Variants in RUFY1 observed in about 807,000 individuals in gnomAD.
The protein encoded by RUFY1 is RUN and FYVE domain containing 1, also known as RUN and FYVE domain-containing protein 1.
RUFY1 carries 54 observed loss-of-function variants against 94.6 expected under a neutral mutation model. That is an observed-to-expected ratio of 0.57 (90% CI 0.46 to 0.72). The LOEUF (loss-of-function observed/expected upper bound fraction) is 0.72. RUFY1 is among the 30% of genes least tolerant of loss of function. The pLI is 0.00. For synonymous variants in RUFY1, 396 were observed against 347.3 expected (o/e 1.14, Z -1.56); for missense variants, 883 against 883.9 (o/e 1.00, Z 0.01).
At chr5:179,604,279 G>A (rs1165732157) in intron 15 of RUFY1, among the ~76,000 whole-genome samples, 6 of 152,062 alleles carry the variant, frequency 3.9e-5, no homozygotes, top group African/African-American at 7.2e-5. Flanking sequence ...AGCCTATACC[G>A]GATGACAGAG....
chr5:179,564,423 T>G (rs1032264381), intron 3 of RUFY1, among the ~76,000 whole-genome samples: 56 of 146,812 alleles, frequency 3.8e-4, no homozygotes, highest in Non-Finnish European at 3.2e-4. Flanking sequence ...CCTGGCTGTT[T>G]TTTTTTTTTT....
chr5:179,554,645 G>A (rs115521544), intron 1 of RUFY1, among the ~76,000 whole-genome samples: 3,785 of 151,554 alleles, frequency 0.025, 162 homozygotes, highest in African/African-American at 0.087. Context: ...GGTAATAAGC[G>A]AACATGATTT....
chr5:179,585,103 A>ACTAGGC (rs1489502922), intron 7 of RUFY1, among the ~76,000 whole-genome samples: 1 of 152,092 alleles, frequency 6.6e-6, no homozygotes, highest in East Asian at 1.9e-4. Context: ...TGCACTCCAG[A>ACTAGGC]CTAGGCGAAA....
intron 1 of RUFY1, among the ~76,000 whole-genome samples, chr5:179,553,543 G>A (rs888879477): frequency 1.3e-5 from 2 of 152,076 alleles, no homozygotes; most frequent in African/African-American, 4.8e-5. Context: ...CAGCATTTTG[G>A]GAGGCCGAGG....
At chr5:179,579,657 CTTTTTTTT>C (rs61062422) in intron 6 of RUFY1, among the ~76,000 whole-genome samples, 6 of 50,562 alleles carry the variant, frequency 1.2e-4, no homozygotes, top group Admixed American at 3.8e-4. Flanking sequence ...TTTTCTTCTT[CTTTTTTTT>C]TTTTTTTTTT....
At chr5:179,559,900 C>T in intron 1 of RUFY1, 125 bp from the exon 2 acceptor site, 1 of 1,437,734 alleles carries the variant, frequency 7.0e-7, no homozygotes, top group Non-Finnish European at 9.1e-7. Flanking sequence ...GCCCGCCCGC[C>T]AGCACGTCCG....
At chr5:179,580,319 T>C (rs1157988925) in intron 6 of RUFY1, among the ~76,000 whole-genome samples, 11 of 150,254 alleles carry the variant, frequency 7.3e-5, no homozygotes, top group Non-Finnish European at 1.6e-4. Flanking sequence ...CTCGGCTCAC[T>C]GCAAGCTCCG....
intron 4 of RUFY1, 179 bp from the exon 5 acceptor site, chr5:179,569,123 G>T: frequency 3.1e-6 from 3 of 954,674 alleles, no homozygotes; most frequent in Non-Finnish European, 3.7e-6. Flanking sequence ...AGGAAGAGAG[G>T]AGAGGACGGG....
At chr5:179,597,413 T>G (rs1289814491) in intron 13 of RUFY1, among the ~76,000 whole-genome samples, 1 of 152,142 alleles carries the variant, frequency 6.6e-6, no homozygotes, top group African/African-American at 2.4e-5. Context: ...TTTTTTGTAT[T>G]TTTAGTAGAG....
At chr5:179,581,656 A>G (rs1260000787) in intron 7 of RUFY1, among the ~76,000 whole-genome samples, 1 of 151,344 alleles carries the variant, frequency 6.6e-6, no homozygotes, top group Admixed American at 6.6e-5. Flanking sequence ...GCAGTTACGG[A>G]CACATTGCTC....
intron 7 of RUFY1, among the ~76,000 whole-genome samples, chr5:179,584,873 C>T (rs1473279009): frequency 6.6e-6 from 1 of 152,156 alleles, no homozygotes; most frequent in African/African-American, 2.4e-5. Flanking sequence ...CAGTGGCTCA[C>T]GCCTGTGATC....
intron 5 of RUFY1, among the ~76,000 whole-genome samples, chr5:179,570,956 A>C (rs1485681465): frequency 6.6e-6 from 1 of 152,164 alleles, no homozygotes; most frequent in Non-Finnish European, 1.5e-5. Flanking sequence ...AGGTGTGTGC[A>C]TGCATGTGTG....
chr5:179,606,212 G>T, intron 16 of RUFY1: 1 of 499,244 alleles, frequency 2.0e-6, no homozygotes, highest in Non-Finnish European at 3.6e-6. Flanking sequence ...GCAGGTGGCG[G>T]AGAGGAGGGA....
At chr5:179,594,718 G>A (rs1203915711) in intron 11 of RUFY1, 148 bp from the exon 12 acceptor site, 38 of 471,712 alleles carry the variant, frequency 8.1e-5, no homozygotes, top group East Asian at 4.2e-4. Flanking sequence ...CCAAGATCAC[G>A]CCACTGCACT....
rs752267648 is a variant in RUFY1 at position 179,560,176 on chromosome 5, C to T, written c.462C>T (p.His154=). The change falls in exon 2 of 18, where the codon CAC becomes CAT. Residue 154 remains histidine (H), a synonymous_variant. Transcript: ENST00000319449. ...PLQQFFVVME[H]CLKHGLKVKK... ...AGCAGTTCTTTGTAGTGATGGAGCA[C>T]TGCCTCAAACATGGGCTGAAAGGTG... 14 of 1,613,806 alleles carry T rather than the reference C, an allele frequency of 8.7e-6. 1 individual carries two copies. In the Admixed American group the frequency reaches 1.3e-4, roughly 15 times the overall value.
At position 179,560,061 on chromosome 5, in the gene RUFY1, T is replaced by G. The variant is rs750120236; in HGVS notation, c.347T>G (p.Leu116Arg). 1 of 1,614,002 alleles carries G rather than the reference T, an allele frequency of 6.2e-7. No individual in the cohort carries two copies. The highest frequency in any genetic ancestry group is 1.7e-5 in the Admixed American group (1 of 59,970). The change falls in exon 2 of 18, where the codon CTG (leucine) becomes CGG (arginine). Residue 116 changes from leucine (L) to arginine (R), a missense_variant. Transcript: ENST00000319449. Reference sequence around the variant, plus strand: ...CAGATGATGGAGGAGCGTGCCAACCTGATGCACATGATGAAACTCAGCATC... The same window carrying G: ...CAGATGATGGAGGAGCGTGCCAACCGGATGCACATGATGAAACTCAGCATC... ...KCQMMEERAN[L>R]MHMMKLSIKV... is the part of the protein sequence containing the mutation.
At chr5:179,609,268 T>C (rs1767467633) in intron 17 of RUFY1, 108 bp from the exon 18 acceptor site, 1 of 1,021,598 alleles carries the variant, frequency 9.8e-7, no homozygotes, top group African/African-American at 1.7e-5. Flanking sequence ...CACAGAAACA[T>C]AAGAACCCAT....
intron 8 of RUFY1, among the ~76,000 whole-genome samples, chr5:179,588,410 T>C (rs1764780309): frequency 6.6e-6 from 1 of 152,138 alleles, no homozygotes; most frequent in Admixed American, 6.6e-5. Flanking sequence ...GGTTGGTGTG[T>C]TTACTCATCT....
intron 5 of RUFY1, chr5:179,572,027 T>C (rs536273748): frequency 4.2e-4 from 65 of 155,122 alleles, no homozygotes; most frequent in Admixed American, 1.7e-3. Context: ...TTCTAAGGTA[T>C]TGTGCTTTGA....
Sources: allele counts gnomAD v4.1 joint callset (sites outside exome capture counted in the v4.1 genomes callset), GRCh38; gene constraint gnomAD v4.1.1; transcripts MANE v1.5; gene names NCBI Gene and HGNC (gene_info 2026-07-23, HGNC 2026-07-21).